MMP24: variants seen among roughly 807,000 people sequenced by gnomAD.
The protein encoded by MMP24 is matrix metallopeptidase 24.
In MMP24, 25 loss-of-function variants were observed where a neutral mutation model predicts 62.8. That is an observed-to-expected ratio of 0.40 (90% CI 0.29 to 0.56). MMP24 has a LOEUF of 0.56. Ranked by LOEUF, MMP24 falls within the 20% of genes least tolerant of loss-of-function variation. The probability of loss-of-function intolerance (pLI) is 0.50; values close to 1 mark genes in which losing one functional copy is unlikely to be tolerated. For synonymous variants in MMP24, 319 were observed against 350.5 expected, an observed-to-expected ratio of 0.91 and a Z score of 1.00; for missense variants, 634 against 853.6, an observed-to-expected ratio of 0.74 and a Z score of 3.21.
At chr20:35,265,216 C>T (rs550392033) in intron 5 of MMP24, among the ~76,000 whole-genome samples, 8 of 151,936 alleles carry the variant, frequency 5.3e-5, no homozygotes, top group South Asian at 4.2e-4. Flanking sequence ...CCGAGGCGGG[C>T]GATTACCTGA....
intron 4 of MMP24, chr20:35,263,258 T>C (rs2060613908): frequency 6.7e-6 from 1 of 148,588 alleles, no homozygotes; most frequent in South Asian, 2.2e-4. Context: ...TTGTATGGCA[T>C]TAAGCGCCCT....
At chr20:35,250,911 C>T (rs573852250) in intron 2 of MMP24, among the ~76,000 whole-genome samples, 1 of 152,292 alleles carries the variant, frequency 6.6e-6, no homozygotes, top group Admixed American at 6.5e-5. Context: ...AAACATATCA[C>T]CTGGTAACAA....
rs1206095378 is a variant in MMP24, at chr20:35,272,199, G to A, written c.1600+364G>A. ...TCAAAGCCACTTTTTCACAGGGCTC[G>A]AGGGCAAGAAGATGGAAAGAAAACC... On this transcript the variant is annotated intron_variant, in intron 8 of 8. Transcript: ENST00000246186. 11 of 427,178 alleles carry A rather than the reference G, an allele frequency of 2.6e-5. No individual in the cohort carries two copies. The South Asian group carries it at 3.2e-4, about 12-fold the overall frequency. The allele number at this position is 427,178 out of a possible 1,614,324, so 26.5% of individuals were successfully genotyped here.
chr20:35,240,309 T>C (rs1315504507), intron 1 of MMP24, among the ~76,000 whole-genome samples: 1 of 152,086 alleles, frequency 6.6e-6, no homozygotes, highest in African/African-American at 2.4e-5. Context: ...GGCAGACCAG[T>C]CACACCATAT....
intron 5 of MMP24, 148 bp from the exon 6 acceptor site, chr20:35,267,057 T>C: frequency 1.6e-6 from 1 of 644,030 alleles, no homozygotes; most frequent in South Asian, 1.9e-5. Context: ...ATCCATTTTC[T>C]CAAAGACTGG....
chr20:35,239,961 T>C (rs2060481507), intron 1 of MMP24, among the ~76,000 whole-genome samples: 1 of 152,154 alleles, frequency 6.6e-6, no homozygotes, highest in African/African-American at 2.4e-5. Context: ...CTCACTATTG[T>C]CTGAGATAAG....
rs1327696069 is a variant in MMP24 at position 35,252,036 on chromosome 20, C to T, written c.512+15C>T. ...ATCACCTACAGGTGCTTCGACTCTC[C>T]CTCTTCCTCCCTGCCTTTGGCTCCA... On this transcript the variant is annotated intron_variant, in intron 3 of 8. Coordinates refer to ENST00000246186, the MANE Select transcript of MMP24 (RefSeq NM_006690.4). The T allele has an allele frequency of 6.3e-7, 1 of 1,580,348 alleles. No homozygotes were observed. The highest frequency in any genetic ancestry group is 1.3e-5 in the African/African-American group (1 of 74,298).
chr20:35,264,707 CAAAAAAAAAAAAAAA>C (rs57309455), intron 5 of MMP24, among the ~76,000 whole-genome samples: 2 of 43,520 alleles, frequency 4.6e-5, no homozygotes, highest in African/African-American at 6.6e-5. Flanking sequence ...GACTCCGTCT[CAAAAAAAAAAAAAAA>C]AAAAAAAAAA....
chr20:35,263,981 C>T (rs749045932), intron 5 of MMP24, 29 bp downstream of exon 5: 23 of 1,570,270 alleles, frequency 1.5e-5, no homozygotes, highest in Non-Finnish European at 1.8e-5. Flanking sequence ...GGGGACTGCT[C>T]CTTCCTCGGG....
intron 4 of MMP24, chr20:35,263,038 ACTT>A (rs1260191424): frequency 1.3e-5 from 2 of 152,512 alleles, no homozygotes; most frequent in African/African-American, 4.8e-5. Flanking sequence ...TCCTATGTCT[ACTT>A]CTTTCTGCAC....
intron 5 of MMP24, among the ~76,000 whole-genome samples, chr20:35,266,583 G>A (rs80155838): frequency 2.0e-5 from 3 of 152,260 alleles, no homozygotes; most frequent in African/African-American, 7.2e-5. Context: ...AACAGCCCAT[G>A]AGGCAGGAGG....
At position 35,254,569 on chromosome 20, in the gene MMP24, T is replaced by A; in HGVS notation, c.632T>A (p.Ile211Asn). Residue 211 changes from isoleucine (I) to asparagine (N), a missense_variant, in exon 4 of 9, where the codon ATC becomes AAC. This residue lies in a region of MMP24 where 212 missense variants were observed against 259.6 expected (regional missense o/e 0.82). Transcript: ENST00000246186. ...LTFEEVPYHE[I>N]KSDRKEADIM... ...TTTGAAGAGGTGCCATACCATGAGA[T>A]CAAAAGTGACCGGAAGGAGGCAGAC... 6.2e-7 allele frequency: 1 copy of A among 1,613,952 alleles called. No homozygotes were observed. Among genetic ancestry groups the A allele is most frequent in the Non-Finnish European group, 8.5e-7 (1 of 1,179,908 alleles).
Position 35,271,991 on chromosome 20 carries a change from A to C in MMP24, c.1600+156A>C. ...ATATCTACCCATGTTCACGTGGTCC[A>C]TTAATTCACTTACCAGCTGCCAAGT... On this transcript the variant is annotated intron_variant, in intron 8 of 8. Transcript: ENST00000246186. The surrounding 1 kb of genome is among the most constrained non-coding windows in gnomAD (Gnocchi z 4.0). 1 of 816,628 alleles carries C rather than the reference A, an allele frequency of 1.2e-6. No homozygotes were observed. The highest frequency in any genetic ancestry group is 1.9e-6 in the Non-Finnish European group (1 of 536,594). The allele number at this position is 816,628 out of a possible 1,614,324, so 50.6% of individuals were successfully genotyped here.
chr20:35,226,889 C>G lies in MMP24; in HGVS notation c.151C>G (p.Arg51Gly), dbSNP rs2060415539. 1 of 976,114 alleles carries G rather than the reference C, an allele frequency of 1.0e-6. No individual in the cohort carries two copies. The highest frequency in any genetic ancestry group is 1.2e-6 in the Non-Finnish European group (1 of 827,262). The allele number at this position is 976,114 out of a possible 1,614,324, so 60.5% of individuals were successfully genotyped here. The stretch of plus-strand genomic sequence containing the variant: ...GCTCTGCTGCCTCCCGGGCGCCGCG[C>G]GGGCGGCGGCGGCGGCGGCGGGGGC... ...PALCCLPGAA[R>G]AAAAAAGAGN... Residue 51 changes from arginine (R) to glycine (G), a missense_variant, in exon 1 of 9, where the codon CGG becomes GGG. This residue lies in a region of MMP24 where 212 missense variants were observed against 259.6 expected (regional missense o/e 0.82). Coordinates refer to ENST00000246186, the MANE Select transcript of MMP24 (RefSeq NM_006690.4).
chr20:35,272,760 C>T (rs1441633782), intron 8 of MMP24, among the ~76,000 whole-genome samples: 4 of 152,136 alleles, frequency 2.6e-5, no homozygotes, highest in Admixed American at 2.0e-4. Context: ...TGGCTGGGTT[C>T]GTAACCACCA....
At chr20:35,256,901 C>T (rs779436158) in intron 4 of MMP24, among the ~76,000 whole-genome samples, 8 of 152,062 alleles carry the variant, frequency 5.3e-5, no homozygotes, top group Non-Finnish European at 1.2e-4. Context: ...GTTTTCCTAC[C>T]TGGCCTGATC....
At chr20:35,248,367 G>A (rs372347563) in intron 2 of MMP24, among the ~76,000 whole-genome samples, 8 of 149,458 alleles carry the variant, frequency 5.4e-5, no homozygotes, top group African/African-American at 1.5e-4. Context: ...GGGCAGTGGC[G>A]TGATCTCGGT....
intron 4 of MMP24, chr20:35,256,527 C>G (rs1180167266): frequency 4.6e-5 from 7 of 152,066 alleles, no homozygotes; most frequent in Non-Finnish European, 8.8e-5. Flanking sequence ...CAAGACCAGC[C>G]TGGCCAACAT....
At chr20:35,259,538 A>G (rs1286029337) in intron 4 of MMP24, among the ~76,000 whole-genome samples, 3 of 152,162 alleles carry the variant, frequency 2.0e-5, no homozygotes, top group African/African-American at 7.2e-5. Flanking sequence ...GCCAGCTGGG[A>G]AGTCATGGAA....
Sources: gnomAD v4.1 joint callset for allele counts (sites outside exome capture counted in the v4.1 genomes callset) on GRCh38, gnomAD v4.1.1 for gene constraint, gnomAD v4.1.1 regional missense constraint, Gnocchi (gnomAD v3.1) non-coding constraint, MANE v1.5 for transcripts, NCBI Gene and HGNC (gene_info 2026-07-23, HGNC 2026-07-21) for gene names.